Variants in CNTNAP5 observed in about 807,000 individuals in gnomAD.
CNTNAP5 encodes contactin-associated protein-like 5.
Under a neutral mutation model 150.2 loss-of-function variants are expected in CNTNAP5, and 72 were observed. That is an observed-to-expected ratio of 0.48 (90% CI 0.40 to 0.58). The LOEUF (loss-of-function observed/expected upper bound fraction) is 0.58, where lower values mean the gene tolerates loss of function less well. CNTNAP5 is among the 20% of genes least tolerant of loss of function. CNTNAP5 has a pLI of 0.00. For synonymous variants in CNTNAP5, 672 were observed against 619.8 expected, an observed-to-expected ratio of 1.08 and a Z score of -1.25; for missense variants, 1,636 against 1,626.2, an observed-to-expected ratio of 1.01 and a Z score of -0.10.
intron 10 of CNTNAP5, among the ~76,000 whole-genome samples, chr2:124,533,593 T>C (rs898938452): frequency 2.6e-5 from 4 of 152,192 alleles, no homozygotes; most frequent in African/African-American, 9.6e-5. Flanking sequence ...AGAGTCTCTC[T>C]GAAAAGTTTT....
intron 12 of CNTNAP5, among the ~76,000 whole-genome samples, chr2:124,638,808 A>G (rs1678027399): frequency 1.3e-5 from 2 of 152,210 alleles, no homozygotes; most frequent in South Asian, 4.1e-4. Context: ...TTGTCACTTT[A>G]CAATATACAG....
chr2:124,729,064 T>C (rs1364435175), intron 13 of CNTNAP5, among the ~76,000 whole-genome samples: 1 of 152,074 alleles, frequency 6.6e-6, no homozygotes. Flanking sequence ...CAAGAACTAC[T>C]GGACCTTACC....
chr2:124,132,703 C>T (rs546095496), intron 1 of CNTNAP5, among the ~76,000 whole-genome samples: 1 of 152,138 alleles, frequency 6.6e-6, no homozygotes, highest in Non-Finnish European at 1.5e-5. Flanking sequence ...ATGTGTTAAG[C>T]ACTCAGCTAA....
intron 1 of CNTNAP5, among the ~76,000 whole-genome samples, chr2:124,179,420 A>G (rs1196851755): frequency 6.6e-6 from 1 of 152,110 alleles, no homozygotes; most frequent in African/African-American, 2.4e-5. Flanking sequence ...TTGACCTCTT[A>G]AAGTGCTGGG....
At chr2:124,093,075 C>G (rs1453865727) in intron 1 of CNTNAP5, among the ~76,000 whole-genome samples, 1 of 152,174 alleles carries the variant, frequency 6.6e-6, no homozygotes, top group African/African-American at 2.4e-5. Context: ...GTCATTTCTC[C>G]AGGGGCTCTG....
chr2:124,152,131 G>A (rs1684420767), intron 1 of CNTNAP5, among the ~76,000 whole-genome samples: 1 of 152,150 alleles, frequency 6.6e-6, no homozygotes, highest in African/African-American at 2.4e-5. Context: ...AAAGCAACTT[G>A]CTGACTGCGC....
chr2:124,808,001 C>G (rs991135916), intron 19 of CNTNAP5, among the ~76,000 whole-genome samples: 1 of 151,974 alleles, frequency 6.6e-6, no homozygotes, highest in African/African-American at 2.4e-5. Flanking sequence ...ACTAACAAGT[C>G]AAGAAAAAAA....
At chr2:124,667,747 T>C (rs1479482924) in intron 13 of CNTNAP5, among the ~76,000 whole-genome samples, 2 of 152,228 alleles carry the variant, frequency 1.3e-5, no homozygotes, top group Non-Finnish European at 2.9e-5. Context: ...CTCTCTCTCT[T>C]ATTTTTTCTT....
intron 1 of CNTNAP5, among the ~76,000 whole-genome samples, chr2:124,063,035 T>A (rs968822979): frequency 1.3e-5 from 2 of 152,150 alleles, no homozygotes; most frequent in Non-Finnish European, 2.9e-5. Context: ...TGTTTTGTTA[T>A]GTTTTTGTTT....
chr2:124,437,039 A>G (rs1159025935), intron 5 of CNTNAP5, among the ~76,000 whole-genome samples: 1 of 152,192 alleles, frequency 6.6e-6, no homozygotes, highest in Admixed American at 6.6e-5. Context: ...GATCTCTGGA[A>G]GCACTAAGCA....
chr2:124,874,447 C>T (rs72963869), intron 21 of CNTNAP5, among the ~76,000 whole-genome samples: 5,118 of 152,086 alleles, frequency 0.034, 275 homozygotes, highest in African/African-American at 0.11. Context: ...GTCACAAGAG[C>T]GTAGACAGCC....
intron 12 of CNTNAP5, among the ~76,000 whole-genome samples, chr2:124,633,598 G>A (rs1469720876): frequency 1.3e-5 from 2 of 152,168 alleles, no homozygotes; most frequent in African/African-American, 4.8e-5. Context: ...GGGTCTGGAG[G>A]ATGGTGGCCC....
chr2:124,371,572 A>G (rs1690527254), intron 3 of CNTNAP5, among the ~76,000 whole-genome samples: 1 of 152,112 alleles, frequency 6.6e-6, no homozygotes, highest in Admixed American at 6.5e-5. Flanking sequence ...AGGCTTTATG[A>G]GTCTTCTCCA....
chr2:124,040,155 C>T (rs1268652576), intron 1 of CNTNAP5, among the ~76,000 whole-genome samples: 2 of 152,096 alleles, frequency 1.3e-5, no homozygotes, highest in Non-Finnish European at 2.9e-5. Flanking sequence ...TTCAGGGTGG[C>T]GTTCAATAAT....
At chr2:124,908,389 G>GA (rs969565918) in intron 22 of CNTNAP5, among the ~76,000 whole-genome samples, 2 of 150,968 alleles carry the variant, frequency 1.3e-5, no homozygotes, top group Admixed American at 1.3e-4. Context: ...GAAAAGAAAA[G>GA]AAAAAAACAA....
At chr2:124,619,699 T>G (rs1677567905) in intron 12 of CNTNAP5, among the ~76,000 whole-genome samples, 1 of 151,570 alleles carries the variant, frequency 6.6e-6, no homozygotes, top group Non-Finnish European at 1.5e-5. Context: ...TGAGGAGGAA[T>G]TCTGAAAGCA....
intron 11 of CNTNAP5, 47 bp from the exon 12 acceptor site, chr2:124,609,754 A>G (rs1677338268): frequency 6.2e-7 from 1 of 1,602,958 alleles, no homozygotes; most frequent in Non-Finnish European, 8.5e-7. Context: ...GCAAAGGGAT[A>G]TGCAGAGCCA....
chr2:124,097,194 T>C (rs1350410001), intron 1 of CNTNAP5, among the ~76,000 whole-genome samples: 1 of 152,166 alleles, frequency 6.6e-6, no homozygotes, highest in Non-Finnish European at 1.5e-5. Context: ...GCATTTTTAT[T>C]TTTCAGATGA....
chr2:124,394,911 G>C (rs1691207678), intron 3 of CNTNAP5, among the ~76,000 whole-genome samples: 1 of 152,162 alleles, frequency 6.6e-6, no homozygotes, highest in Non-Finnish European at 1.5e-5. Context: ...GCTTCATGTA[G>C]TGGCAGTCTT....
Sources: allele counts gnomAD v4.1 joint callset (sites outside exome capture counted in the v4.1 genomes callset), GRCh38; gene constraint gnomAD v4.1.1; transcripts MANE v1.5; gene names NCBI Gene and HGNC (gene_info 2026-07-23, HGNC 2026-07-21).